Variants in ARHGAP8 observed in about 807,000 individuals in gnomAD.
ARHGAP8 encodes Rho GTPase activating protein 8.
ARHGAP8 carries 62 observed loss-of-function variants against 46.1 expected under a neutral mutation model. That is an observed-to-expected ratio of 1.34 (90% CI 1.10 to 1.66). The LOEUF (loss-of-function observed/expected upper bound fraction) is 1.66, where lower values mean the gene tolerates loss of function less well. Among genes scored for constraint, ARHGAP8 ranks in the 40% most tolerant of loss-of-function variants. ARHGAP8 has a pLI of 0.00. For missense variants in ARHGAP8, 923 were observed against 568.4 expected, an observed-to-expected ratio of 1.62 and a Z score of -6.34; for synonymous variants, 375 against 243.1, an observed-to-expected ratio of 1.54 and a Z score of -5.05.
intron 2 of ARHGAP8, among the ~76,000 whole-genome samples, chr22:44,791,295 C>T (rs773669968): frequency 1.1e-4 from 16 of 152,202 alleles, no homozygotes; most frequent in East Asian, 5.8e-4. Flanking sequence ...TTGTCAGAGT[C>T]GACACTTGAG....
intron 1 of ARHGAP8, among the ~76,000 whole-genome samples, chr22:44,779,451 C>T (rs753103761): frequency 2.6e-5 from 4 of 152,032 alleles, no homozygotes; most frequent in Non-Finnish European, 4.4e-5. Context: ...CGTCGGTACG[C>T]GTGGCTATAG....
Position 44,814,234 on chromosome 22 carries a change from T to G in ARHGAP8, c.300-438T>G, listed in dbSNP as rs544777504. On this transcript the variant is annotated intron_variant, in intron 4 of 11. Transcript: ENST00000356099. ...AACCGGCCTCTGGCCGGCTGATGTTTAGGTTATTGCCGGGTTTATCTGCCA... is the reference window on the plus strand; with the variant it reads ...AACCGGCCTCTGGCCGGCTGATGTTGAGGTTATTGCCGGGTTTATCTGCCA... Among the ~76,000 whole-genome samples, 45 of 152,344 alleles carry G rather than the reference T, an allele frequency of 3.0e-4. 1 individual carries two copies. The South Asian group carries it at 8.9e-3, about 30-fold the overall frequency.
rs139650522 is a variant in ARHGAP8, at chr22:44,851,442, C to T, written c.877+2382C>T. 6.0e-4 allele frequency among the ~76,000 whole-genome samples: 92 copies of T among 152,218 alleles called. 1 individual carries two copies. In the East Asian group the frequency reaches 6.9e-3, roughly 11 times the overall value. On this transcript the variant is annotated intron_variant, in intron 10 of 11. Coordinates refer to ENST00000356099, the MANE Select transcript of ARHGAP8 (RefSeq NM_181335.3). ...TTATTTAATTTTTGAGACAGTGTCT[C>T]GCTCTGTCGCCCAGGCTGGAGTGCC...
At chr22:44,853,537 C>T (rs954097781) in intron 10 of ARHGAP8, among the ~76,000 whole-genome samples, 5 of 152,146 alleles carry the variant, frequency 3.3e-5, no homozygotes, top group African/African-American at 7.2e-5. Flanking sequence ...TTCTCTGTAC[C>T]GTTGCTTCTC....
At chr22:44,795,016 G>A (rs978019386) in intron 2 of ARHGAP8, among the ~76,000 whole-genome samples, 5 of 150,078 alleles carry the variant, frequency 3.3e-5, no homozygotes, top group South Asian at 4.2e-4. Flanking sequence ...ACTCCAGCCT[G>A]GGTGACACAG....
At chr22:44,796,235 C>T (rs1056802056) in intron 2 of ARHGAP8, among the ~76,000 whole-genome samples, 13 of 152,146 alleles carry the variant, frequency 8.5e-5, no homozygotes, top group African/African-American at 2.4e-4. Context: ...AGCCACTGCC[C>T]GCCGTCCCTG....
chr22:44,788,962 A>G (rs540630438), intron 2 of ARHGAP8, among the ~76,000 whole-genome samples: 2 of 152,264 alleles, frequency 1.3e-5, no homozygotes, highest in South Asian at 2.1e-4. Flanking sequence ...TATGTATTTC[A>G]GTTAGGTTAA....
rs376971609 is a variant in ARHGAP8 at position 44,792,136 on chromosome 22, C to T, written c.79+5530C>T. On this transcript the variant is annotated intron_variant, in intron 2 of 11. Transcript: ENST00000356099. The stretch of plus-strand genomic sequence containing the variant: ...CAAGCGATTCTCTGCCTCAGCCTCC[C>T]GAGTAGCTGAGATTACAGGCACCCA... 5.9e-5 allele frequency among the ~76,000 whole-genome samples: 9 copies of T among 152,004 alleles called. 1 individual carries two copies. The South Asian group carries it at 8.3e-4, about 14-fold the overall frequency.
At chr22:44,837,059 AT>A (rs1931334604) in intron 7 of ARHGAP8, among the ~76,000 whole-genome samples, 1 of 151,902 alleles carries the variant, frequency 6.6e-6, no homozygotes, top group Admixed American at 6.6e-5. Context: ...TAATTTTTGT[AT>A]TTTTGGTAGA....
At chr22:44,817,802 C>T (rs1377315493) in intron 5 of ARHGAP8, among the ~76,000 whole-genome samples, 2 of 151,920 alleles carry the variant, frequency 1.3e-5, no homozygotes, top group African/African-American at 4.8e-5. Flanking sequence ...AGCGAAACTC[C>T]ATCTCAAAAA....
At chr22:44,806,586 G>A (rs866596954) in intron 3 of ARHGAP8, among the ~76,000 whole-genome samples, 3 of 152,244 alleles carry the variant, frequency 2.0e-5, no homozygotes, top group East Asian at 3.9e-4. Flanking sequence ...GTCATTGGGA[G>A]AATTAAACGT....
At chr22:44,860,056 C>T (rs1358973453) in intron 11 of ARHGAP8, among the ~76,000 whole-genome samples, 1 of 151,810 alleles carries the variant, frequency 6.6e-6, no homozygotes, top group South Asian at 2.1e-4. Flanking sequence ...CTGCCCCTGC[C>T]TGCTCCTGTA....
intron 6 of ARHGAP8, among the ~76,000 whole-genome samples, chr22:44,824,958 T>C (rs942195028): frequency 4.6e-5 from 7 of 151,886 alleles, no homozygotes; most frequent in African/African-American, 1.7e-4. Flanking sequence ...CCCGAAGGCT[T>C]TAACCACCTC....
intron 1 of ARHGAP8, among the ~76,000 whole-genome samples, chr22:44,784,365 C>T (rs1359847467): frequency 1.3e-5 from 2 of 152,170 alleles, no homozygotes; most frequent in Non-Finnish European, 2.9e-5. Flanking sequence ...GATCATGCCA[C>T]TGCACTCCAG....
intron 2 of ARHGAP8, among the ~76,000 whole-genome samples, chr22:44,798,454 T>C (rs7287820): frequency 0.013 from 2,016 of 152,050 alleles, 39 homozygotes; most frequent in African/African-American, 0.047. Context: ...GATAATCTTA[T>C]CTTGATCCTT....
chr22:44,792,812 T>TGGTGGTGGTGGTGGC (rs56751591), intron 2 of ARHGAP8, among the ~76,000 whole-genome samples: 9 of 124,912 alleles, frequency 7.2e-5, no homozygotes, highest in African/African-American at 2.8e-4. Flanking sequence ...GTGGTGGTGG[T>TGGTGGTGGTGGTGGC]TTTTTTTGTT....
chr22:44,859,265 G>A lies in ARHGAP8; in HGVS notation c.878-466G>A, dbSNP rs115057816. 5.7e-3 allele frequency among the ~76,000 whole-genome samples: 874 copies of A among 152,264 alleles called. 13 individuals carry two copies. Among genetic ancestry groups the A allele is most frequent in the East Asian group, 0.039 (202 of 5,172 alleles). On this transcript the variant is annotated intron_variant, in intron 10 of 11. Coordinates refer to ENST00000356099, the MANE Select transcript of ARHGAP8 (RefSeq NM_181335.3). ...AGGTGGGGACTGGTGGCAGGTGATT[G>A]GATCATGAGGGCAGATACCTCATGG...
chr22:44,810,997 C>T (rs1197954696), intron 4 of ARHGAP8, among the ~76,000 whole-genome samples: 1 of 152,092 alleles, frequency 6.6e-6, no homozygotes, highest in African/African-American at 2.4e-5. Flanking sequence ...AAGGTTTTGC[C>T]CTCTGCACTT....
Position 44,784,713 on chromosome 22 carries a change from CACAG to C in ARHGAP8, c.-71-1739_-71-1736del, listed in dbSNP as rs148376272. Reference sequence around the variant, plus strand: ...ATCCCCTCTGCAGAATCGCTTTTGCCACAGACAGTCACATGCACAGGGTCCAGGG... The same window carrying C: ...ATCCCCTCTGCAGAATCGCTTTTGCCACAGTCACATGCACAGGGTCCAGGG... On this transcript the variant is annotated intron_variant, in intron 1 of 11. Transcript: ENST00000356099. Among the ~76,000 whole-genome samples the C allele has an allele frequency of 3.5e-3, 528 of 152,322 alleles. 6 individuals carry two copies. The highest frequency in any genetic ancestry group is 6.5e-3 in the Non-Finnish European group (440 of 68,036).
Sources: gnomAD v4.1 joint callset for allele counts (sites outside exome capture counted in the v4.1 genomes callset) on GRCh38, gnomAD v4.1.1 for gene constraint, MANE v1.5 for transcripts, NCBI Gene and HGNC (gene_info 2026-07-23, HGNC 2026-07-21) for gene names.